EYS: variants seen among roughly 807,000 people sequenced by gnomAD.
EYS encodes protein eyes shut homolog.
EYS carries 250 observed loss-of-function variants against 282.1 expected under a neutral mutation model. The observed-to-expected ratio is 0.89, with a 90% confidence interval of 0.80 to 0.98. EYS has a LOEUF of 0.98. EYS is among the 50% of genes least tolerant of loss of function. EYS has a pLI of 0.00. For synonymous variants in EYS, 1,355 were observed against 1,282.9 expected, an observed-to-expected ratio of 1.06 and a Z score of -1.20; for missense variants, 4,016 against 3,709.0, an observed-to-expected ratio of 1.08 and a Z score of -2.15.
chr6:64,397,551 T>G (rs528150304), intron 28 of EYS, among the ~76,000 whole-genome samples: 2 of 152,116 alleles, frequency 1.3e-5, no homozygotes, highest in South Asian at 4.1e-4. Context: ...AATCTAAAAT[T>G]TCAGTTATTG....
At chr6:64,343,608 A>T (rs930301505) in intron 29 of EYS, among the ~76,000 whole-genome samples, 2 of 152,164 alleles carry the variant, frequency 1.3e-5, no homozygotes, top group East Asian at 3.9e-4. Context: ...GAAAGCAAGA[A>T]AGATCTAAAA....
At chr6:63,845,448 T>A (rs773508965) in intron 36 of EYS, among the ~76,000 whole-genome samples, 4 of 152,094 alleles carry the variant, frequency 2.6e-5, no homozygotes, top group Non-Finnish European at 5.9e-5. Context: ...AGAGTGATGT[T>A]CATTAATTAA....
intron 12 of EYS, among the ~76,000 whole-genome samples, chr6:65,084,144 T>C (rs939858352): frequency 9.9e-5 from 15 of 152,066 alleles, no homozygotes; most frequent in Admixed American, 2.0e-4. Flanking sequence ...TATTTGATAC[T>C]GGTCTTTTCC....
intron 12 of EYS, among the ~76,000 whole-genome samples, chr6:65,265,217 C>T (rs938795140): frequency 7.9e-5 from 12 of 151,986 alleles, no homozygotes; most frequent in African/African-American, 2.9e-4. Context: ...AGGTAACAAA[C>T]CTACACACGT....
chr6:64,786,308 C>G (rs1424619822), intron 22 of EYS, among the ~76,000 whole-genome samples: 2 of 151,508 alleles, frequency 1.3e-5, no homozygotes, highest in African/African-American at 4.9e-5. Context: ...ACTCCAAAGC[C>G]GAGAGACAGA....
At chr6:64,125,827 A>G (rs1184845693) in intron 31 of EYS, among the ~76,000 whole-genome samples, 1 of 151,168 alleles carries the variant, frequency 6.6e-6, no homozygotes, top group Non-Finnish European at 1.5e-5. Flanking sequence ...ACTCTCAAAC[A>G]TCAGAGAGAT....
chr6:64,911,984 T>G (rs1171665057), intron 16 of EYS, among the ~76,000 whole-genome samples: 1 of 152,154 alleles, frequency 6.6e-6, no homozygotes, highest in Admixed American at 6.5e-5. Context: ...CTGCTCATTC[T>G]TTCTTGCATA....
chr6:64,970,399 T>C (rs1353589806), intron 14 of EYS, among the ~76,000 whole-genome samples: 3 of 152,176 alleles, frequency 2.0e-5, no homozygotes, highest in East Asian at 1.9e-4. Context: ...GGTTTCGTCA[T>C]GTTGGCCAGG....
At position 64,546,649 on chromosome 6, in the gene EYS, T is replaced by C. The variant is rs28750697; in HGVS notation, c.5644+43574A>G. On this transcript the variant is annotated intron_variant, in intron 26 of 42. Coordinates refer to ENST00000503581, the MANE Select transcript of EYS (RefSeq NM_001142800.2). ...TGACAAAGGGCTAATATCCAGAACC[T>C]ACAATGAACTCCAACAAATTTACAA... Among the ~76,000 whole-genome samples the C allele has an allele frequency of 7.4e-3, 1,121 of 152,236 alleles. 12 individuals are homozygous for C. Among genetic ancestry groups the C allele is most frequent in the African/African-American group, 0.025 (1,058 of 41,542 alleles).
chr6:65,188,129 A>G (rs1352989374), intron 12 of EYS, among the ~76,000 whole-genome samples: 1 of 151,614 alleles, frequency 6.6e-6, no homozygotes, highest in Non-Finnish European at 1.5e-5. Flanking sequence ...ATATACTCAT[A>G]TCAATCTTAT....
chr6:65,691,568 C>G (rs1769245690), intron 1 of EYS, among the ~76,000 whole-genome samples: 1 of 150,008 alleles, frequency 6.7e-6, no homozygotes, highest in Admixed American at 6.7e-5. Flanking sequence ...TTTTGTTGTG[C>G]AGACAATCTT....
In EYS at chr6:65,707,177, T is replaced by C. The variant is rs1769910619; in HGVS notation, c.-490A>G. 6.6e-6 allele frequency: 1 copy of C among 152,184 alleles called. No individual in the cohort carries two copies. The highest frequency in any genetic ancestry group is 1.5e-5 in the Non-Finnish European group (1 of 68,020). The allele number at this position is 152,184 out of a possible 1,614,324, so 9.4% of individuals were successfully genotyped here. A position where few individuals can be genotyped will look rare whatever the true frequency, so the allele number is the denominator to read the frequency against. On this transcript the variant is annotated 5_prime_UTR_variant, in exon 1 of 43. Coordinates refer to ENST00000503581, the MANE Select transcript of EYS (RefSeq NM_001142800.2). ...GAGGCTTGCAACCCTAGGAGGCTTC[T>C]GATTACGGTTAATGTCTGGACATGC...
intron 2 of EYS, among the ~76,000 whole-genome samples, chr6:65,574,159 C>T (rs772346370): frequency 6.6e-6 from 1 of 152,172 alleles, no homozygotes; most frequent in East Asian, 1.9e-4. Flanking sequence ...TGTGACTGTT[C>T]CATGTGTGCC....
intron 36 of EYS, among the ~76,000 whole-genome samples, chr6:63,856,233 G>A (rs1278644113): frequency 1.3e-5 from 2 of 150,158 alleles, no homozygotes; most frequent in African/African-American, 2.5e-5. Flanking sequence ...GTGAGCTTGA[G>A]AATAAACTAC....
At chr6:65,639,485 A>G (rs1331264225) in intron 2 of EYS, among the ~76,000 whole-genome samples, 1 of 152,148 alleles carries the variant, frequency 6.6e-6, no homozygotes, top group Non-Finnish European at 1.5e-5. Context: ...TTCTCTTTCC[A>G]AGGCCCAAAT....
chr6:64,679,014 A>G (rs963957596), intron 22 of EYS, among the ~76,000 whole-genome samples: 2 of 152,092 alleles, frequency 1.3e-5, no homozygotes, highest in African/African-American at 4.8e-5. Context: ...GATTTTTTAA[A>G]ATGTGTTCAA....
In EYS at chr6:65,626,262, C is replaced by A. The variant is rs578155502; in HGVS notation, c.-333+13516G>T. ...TGTATTTGTAGTTCATCAAGTCACA[C>A]AGTTCATCAAATTCATTTCTGGCTC... On this transcript the variant is annotated intron_variant, in intron 2 of 42. Coordinates refer to ENST00000503581, the MANE Select transcript of EYS (RefSeq NM_001142800.2). Among the ~76,000 whole-genome samples, 4 of 152,322 alleles carry A rather than the reference C, an allele frequency of 2.6e-5. No homozygotes were observed. The South Asian group carries it at 8.3e-4, about 32-fold the overall frequency.
intron 31 of EYS, among the ~76,000 whole-genome samples, chr6:64,227,480 G>A (rs1766286231): frequency 6.6e-6 from 1 of 152,012 alleles, no homozygotes; most frequent in Non-Finnish European, 1.5e-5. Context: ...GTGGTTAAAT[G>A]TGAAATCTGG....
chr6:65,125,637 G>T (rs1231583594), intron 12 of EYS, among the ~76,000 whole-genome samples: 1 of 152,112 alleles, frequency 6.6e-6, no homozygotes, highest in Non-Finnish European at 1.5e-5. Flanking sequence ...ATGGCTTACA[G>T]CTTCTACATC....
Sources: gnomAD v4.1 joint callset for allele counts (sites outside exome capture counted in the v4.1 genomes callset) on GRCh38, gnomAD v4.1.1 for gene constraint, MANE v1.5 for transcripts, NCBI Gene and HGNC (gene_info 2026-07-23, HGNC 2026-07-21) for gene names.